Variants in GTF2F2 observed in about 807,000 individuals in gnomAD.
The protein encoded by GTF2F2 is general transcription factor IIF subunit 2, also known as ATP-dependent helicase GTF2F2.
Under a neutral mutation model 42.2 loss-of-function variants are expected in GTF2F2, and 23 were observed. That is an observed-to-expected ratio of 0.55 (90% CI 0.39 to 0.77). GTF2F2 has a LOEUF of 0.77. GTF2F2 is among the 30% of genes least tolerant of loss of function. GTF2F2 has a pLI of 0.00. For missense variants in GTF2F2, 261 were observed against 287.2 expected (o/e 0.91, Z 0.66); for synonymous variants, 105 against 100.8 (o/e 1.04, Z -0.25).
In GTF2F2 at chr13:45,161,175, A is replaced by G. The variant is rs142143744; in HGVS notation, c.304+9344A>G. Among the ~76,000 whole-genome samples, 93 of 152,340 alleles carry G rather than the reference A, an allele frequency of 6.1e-4. 1 individual carries two copies. The East Asian group carries it at 0.01, about 17-fold the overall frequency. ...TAGTGTAGTAGCAAAACAGTGATAC[A>G]GTTTTGGTACCATTTGGCCTCAATT... On this transcript the variant is annotated intron_variant, in intron 4 of 7. Transcript: ENST00000340473.
intron 4 of GTF2F2, chr13:45,194,756 T>G (rs1399596264): frequency 1.7e-6 from 1 of 594,778 alleles, no homozygotes; most frequent in East Asian, 2.8e-5. Context: ...AGGAGCTTTC[T>G]GGAGTAAGAC....
At chr13:45,212,172 T>C (rs183172327) in intron 5 of GTF2F2, among the ~76,000 whole-genome samples, 108 of 152,362 alleles carry the variant, frequency 7.1e-4, no homozygotes, top group African/African-American at 2.4e-3. Flanking sequence ...AAGTCTGAGA[T>C]ATTCTATACC....
At chr13:45,191,224 A>ATATATATATATATATATATATATAT (rs1555267736) in intron 4 of GTF2F2, among the ~76,000 whole-genome samples, 2 of 75,310 alleles carry the variant, frequency 2.7e-5, no homozygotes, top group African/African-American at 2.0e-4. Flanking sequence ...ACAAAAAAAA[A>ATATATATATATATATATATATATAT]ATATATATAT....
chr13:45,220,126 G>A (rs551106541), intron 5 of GTF2F2, among the ~76,000 whole-genome samples: 5 of 152,316 alleles, frequency 3.3e-5, no homozygotes, highest in Middle Eastern at 3.4e-3. Context: ...GTTAAGTAAA[G>A]AAAGGAATGA....
At chr13:45,144,306 A>G (rs1424063257) in intron 2 of GTF2F2, among the ~76,000 whole-genome samples, 3 of 151,998 alleles carry the variant, frequency 2.0e-5, no homozygotes, top group African/African-American at 7.3e-5. Context: ...TTTAAAGGCA[A>G]CCTTCTTTGT....
intron 5 of GTF2F2, among the ~76,000 whole-genome samples, chr13:45,238,398 T>C (rs1448736873): frequency 6.6e-6 from 1 of 152,090 alleles, no homozygotes; most frequent in African/African-American, 2.4e-5. Context: ...CAGCTCAACG[T>C]TTTTTCCCCT....
At chr13:45,239,718 A>G (rs1380295999) in intron 5 of GTF2F2, among the ~76,000 whole-genome samples, 2 of 152,238 alleles carry the variant, frequency 1.3e-5, no homozygotes, top group Non-Finnish European at 2.9e-5. Context: ...CCGTATTTTT[A>G]TGGCATATAA....
chr13:45,180,040 C>T (rs1028682282), intron 4 of GTF2F2, among the ~76,000 whole-genome samples: 2 of 152,078 alleles, frequency 1.3e-5, no homozygotes, highest in Admixed American at 6.5e-5. Context: ...CACTTTTTGA[C>T]AATCTATCAA....
At chr13:45,207,321 TATTA>T (rs766477006) in intron 4 of GTF2F2, 99 bp from the exon 5 acceptor site, 1 of 666,042 alleles carries the variant, frequency 1.5e-6, no homozygotes, top group Non-Finnish European at 2.6e-6. Flanking sequence ...TGATTTTTGA[TATTA>T]ATTATATTTG....
intron 5 of GTF2F2, among the ~76,000 whole-genome samples, chr13:45,237,252 A>G (rs1276654669): frequency 6.6e-6 from 1 of 152,178 alleles, no homozygotes; most frequent in Non-Finnish European, 1.5e-5. Context: ...CCTGCAGCTG[A>G]ATGACATTTA....
chr13:45,158,959 A>G (rs1301298048), intron 4 of GTF2F2, among the ~76,000 whole-genome samples: 1 of 152,218 alleles, frequency 6.6e-6, no homozygotes, highest in Non-Finnish European at 1.5e-5. Flanking sequence ...TCTTGATTCA[A>G]AGTGGTTTTC....
chr13:45,159,471 A>G (rs1566118130), intron 4 of GTF2F2, among the ~76,000 whole-genome samples: 1 of 152,170 alleles, frequency 6.6e-6, no homozygotes, highest in Non-Finnish European at 1.5e-5. Flanking sequence ...GCTCACTGCA[A>G]CCTCCGCCTC....
chr13:45,141,605 G>A lies in GTF2F2; in HGVS notation c.140+4799G>A, dbSNP rs1354404962. 3.9e-5 allele frequency among the ~76,000 whole-genome samples: 6 copies of A among 152,262 alleles called. No homozygotes were observed. The East Asian group carries it at 9.6e-4, about 24-fold the overall frequency. On this transcript the variant is annotated intron_variant, in intron 2 of 7. Transcript: ENST00000340473. ...CATTACTAGGCTGATTTATGAGCTG[G>A]CATTGTTTGATTTCTCTAGGGATCC... is the stretch of plus-strand genomic sequence containing the variant.
chr13:45,174,469 C>G (rs1273552178), intron 4 of GTF2F2, among the ~76,000 whole-genome samples: 1 of 152,074 alleles, frequency 6.6e-6, no homozygotes. Context: ...AGAAAACCAT[C>G]ATTGACATTA....
At chr13:45,272,431 A>C (rs1244438541) in intron 7 of GTF2F2, among the ~76,000 whole-genome samples, 1 of 143,138 alleles carries the variant, frequency 7.0e-6, no homozygotes, top group Non-Finnish European at 1.5e-5. Context: ...CTTTAAAAAA[A>C]AAAAAAAAAC....
In GTF2F2 at chr13:45,284,228, C is replaced by T. The variant is rs921759707; in HGVS notation, c.*667C>T. On this transcript the variant is annotated 3_prime_UTR_variant, in exon 8 of 8. Coordinates refer to ENST00000340473, the MANE Select transcript of GTF2F2 (RefSeq NM_004128.3). ...GATAATTAGAAATTAAATATCTTTCCAAAATTTGAAGATATGTCTCCCCCA... is the reference window on the plus strand; with the variant it reads ...GATAATTAGAAATTAAATATCTTTCTAAAATTTGAAGATATGTCTCCCCCA... 2 of 151,758 alleles carry T rather than the reference C, an allele frequency of 1.3e-5. No individual in the cohort carries two copies. Among genetic ancestry groups the T allele is most frequent in the Non-Finnish European group, 2.9e-5 (2 of 67,940 alleles). 9.4% of individuals were successfully genotyped at this position (151,758 alleles called of 1,614,324 possible). A position where few individuals can be genotyped will look rare whatever the true frequency, so the allele number is the denominator to read the frequency against.
chr13:45,282,998 A>G (rs1490317449), intron 7 of GTF2F2, among the ~76,000 whole-genome samples: 1 of 152,176 alleles, frequency 6.6e-6, no homozygotes. Context: ...AATATTCTCA[A>G]AAATGTTGCT....
chr13:45,214,580 ACTTTTT>A (rs1167888392), intron 5 of GTF2F2, among the ~76,000 whole-genome samples: 1 of 151,684 alleles, frequency 6.6e-6, no homozygotes, highest in Non-Finnish European at 1.5e-5. Flanking sequence ...TACTTCTCTT[ACTTTTT>A]CTTTATCTGA....
chr13:45,198,979 A>G (rs115568676), intron 4 of GTF2F2, among the ~76,000 whole-genome samples: 176 of 152,264 alleles, frequency 1.2e-3, no homozygotes, highest in African/African-American at 4.1e-3. Context: ...TTTTAGTTCT[A>G]TTTTGAAATA....
Sources: allele counts gnomAD v4.1 joint callset (sites outside exome capture counted in the v4.1 genomes callset), GRCh38; gene constraint gnomAD v4.1.1; transcripts MANE v1.5; gene names NCBI Gene and HGNC (gene_info 2026-07-23, HGNC 2026-07-21).